PREX2: variants seen among roughly 807,000 people sequenced by gnomAD.
The protein encoded by PREX2 is phosphatidylinositol 3,4,5-trisphosphate-dependent Rac exchanger 2 protein.
Under a neutral mutation model 203.2 loss-of-function variants are expected in PREX2, and 107 were observed. That is an observed-to-expected ratio of 0.53 (90% CI 0.45 to 0.62). The LOEUF is 0.62. Among genes scored for constraint, PREX2 ranks in the 20% least tolerant of loss-of-function variants. PREX2 has a pLI of 0.00. For synonymous variants in PREX2, 672 were observed against 663.6 expected, an observed-to-expected ratio of 1.01 and a Z score of -0.19; for missense variants, 1,777 against 1,955.9, an observed-to-expected ratio of 0.91 and a Z score of 1.72.
chr8:67,952,579 G>T (rs377559517), intron 1 of PREX2, 44 bp downstream of exon 1: 1 of 1,587,648 alleles, frequency 6.3e-7, no homozygotes. Flanking sequence ...GGGCGGCGCG[G>T]GGCGCGGGTC....
chr8:68,053,116 A>C lies in PREX2; in HGVS notation c.963A>C (p.Gly321=), dbSNP rs1250279986. The C allele has an allele frequency of 6.2e-7, 1 of 1,613,322 alleles. No individual in the cohort carries two copies. The change falls in exon 9 of 40, where the codon GGA becomes GGC. Residue 321 remains glycine, a synonymous_variant. Transcript: ENST00000288368. Reference sequence around the variant, plus strand: ...TTACAGCTGATTTCCATAGCAGTGGACACATTGTTGTTAATGGATGGAAGA... The same window carrying C: ...TTACAGCTGATTTCCATAGCAGTGGCCACATTGTTGTTAATGGATGGAAGA... The part of the protein sequence containing the change: ...DDGTADFHSS[G]HIVVNGWKIH...
chr8:68,235,658 C>G lies in PREX2; in HGVS notation c.*4280C>G, dbSNP rs1813252298. The G allele has an allele frequency of 6.6e-6, 1 of 152,150 alleles. No individual in the cohort carries two copies. The highest frequency in any genetic ancestry group is 1.5e-5 in the Non-Finnish European group (1 of 68,016). The allele number at this position is 152,150 out of a possible 1,614,324, so 9.4% of individuals were successfully genotyped here. A position where few individuals can be genotyped will look rare whatever the true frequency, so the allele number is the denominator to read the frequency against. On this transcript the variant is annotated 3_prime_UTR_variant, in exon 40 of 40. Coordinates refer to ENST00000288368, the MANE Select transcript of PREX2 (RefSeq NM_024870.4). The stretch of plus-strand genomic sequence containing the variant: ...GGTGGGGGAAAATTACAAGAGGGGT[C>G]TGTACCAAAAATGGCCCCAGGATAT...
At chr8:68,067,626 G>T (rs1809058340) in intron 11 of PREX2, among the ~76,000 whole-genome samples, 1 of 151,842 alleles carries the variant, frequency 6.6e-6, no homozygotes, top group African/African-American at 2.4e-5. Flanking sequence ...GTTTTTGGTG[G>T]AAGTTATATG....
chr8:68,169,712 T>C lies in PREX2; in HGVS notation c.4346+12276T>C, dbSNP rs369717708. 9.9e-4 allele frequency among the ~76,000 whole-genome samples: 151 copies of C among 152,272 alleles called. 2 individuals are homozygous for C. The South Asian group carries it at 0.03, about 30-fold the overall frequency. On this transcript the variant is annotated intron_variant, in intron 35 of 39. Transcript: ENST00000288368. ...TTTATTATCCATATTGTTTACACTG[T>C]ATTAGGCCATCTGAGTCAATGGAGT...
rs766036075 is a variant in PREX2, at chr8:68,027,284, A to G, written c.504A>G (p.Thr168=). 1 of 1,611,346 alleles carries G rather than the reference A, an allele frequency of 6.2e-7. No homozygotes were observed. The highest frequency in any genetic ancestry group is 8.5e-7 in the Non-Finnish European group (1 of 1,177,754). Residue 168 remains threonine, a synonymous_variant, in exon 5 of 40, where the codon ACA becomes ACG. Transcript: ENST00000288368. ...TDVPLEGYLV[T]PIQRICKYPL... ...TTCCCTTGGAAGGATATTTAGTAAC[A>G]CCAATACAAAGAATATGCAAGTACC...
chr8:68,015,837 A>T (rs920789837), intron 1 of PREX2, among the ~76,000 whole-genome samples: 11 of 152,186 alleles, frequency 7.2e-5, no homozygotes, highest in African/African-American at 2.4e-4. Context: ...GAAAATTCTA[A>T]TTTTTTTCAC....
chr8:68,038,272 G>T lies in PREX2; in HGVS notation c.819G>T (p.Val273=). ...RVFFLFDNLL[V]YCKRKHRRLK... ...TTTTTCTTTTCGATAATCTTTTGGT[G>T]TACTGCAAAAGAAAACACAGGTAAG... Residue 273 remains valine, a synonymous_variant, in exon 7 of 40, where the codon GTG becomes GTT. Transcript: ENST00000288368. 1 of 1,613,720 alleles carries T rather than the reference G, an allele frequency of 6.2e-7. No individual in the cohort carries two copies. Among genetic ancestry groups the T allele is most frequent in the Non-Finnish European group, 8.5e-7 (1 of 1,179,840 alleles).
chr8:68,216,739 C>T (rs1173290829), intron 37 of PREX2, among the ~76,000 whole-genome samples: 3 of 151,954 alleles, frequency 2.0e-5, no homozygotes, highest in Non-Finnish European at 4.4e-5. Context: ...TGGTGGATCA[C>T]GAGGTCAGGA....
chr8:68,222,557 C>CT (rs1812973935), intron 38 of PREX2, among the ~76,000 whole-genome samples: 1 of 151,886 alleles, frequency 6.6e-6, no homozygotes, highest in African/African-American at 2.4e-5. Flanking sequence ...AGAGATTACT[C>CT]TTTTTAACAG....
chr8:68,115,807 C>G lies in PREX2; in HGVS notation c.3201C>G (p.Gly1067=). 2 of 1,613,274 alleles carry G rather than the reference C, an allele frequency of 1.2e-6. No individual in the cohort carries two copies. Among genetic ancestry groups the G allele is most frequent in the South Asian group, 2.2e-5 (2 of 91,022 alleles). The change falls in exon 26 of 40, where the codon GGC becomes GGG. Residue 1067 remains glycine (G), a synonymous_variant. Transcript: ENST00000288368. ...SPKLERKTSE[G]IIPTDSDNEK... is the part of the protein sequence containing the mutation. ...AATTAGAACGTAAGACATCAGAGGGCATAATACCAACAGACAGTGACAATG... is the reference window on the plus strand; with the variant it reads ...AATTAGAACGTAAGACATCAGAGGGGATAATACCAACAGACAGTGACAATG...
chr8:68,042,502 TA>T (rs1304355252), intron 7 of PREX2, among the ~76,000 whole-genome samples: 1 of 152,096 alleles, frequency 6.6e-6, no homozygotes, highest in African/African-American at 2.4e-5. Context: ...TTATTCATTT[TA>T]CCTGCTGCAT....
chr8:67,953,377 GA>G (rs1287383508), intron 1 of PREX2, among the ~76,000 whole-genome samples: 3 of 152,104 alleles, frequency 2.0e-5, no homozygotes, highest in Non-Finnish European at 4.4e-5. Flanking sequence ...AAAACTGAGT[GA>G]AAGTAACTGC....
intron 37 of PREX2, among the ~76,000 whole-genome samples, chr8:68,202,337 A>G (rs1472983795): frequency 6.6e-6 from 1 of 152,160 alleles, no homozygotes; most frequent in Non-Finnish European, 1.5e-5. Flanking sequence ...GCTGAGAGGA[A>G]AGGGTAGCGA....
chr8:68,032,517 G>A (rs1033966292), intron 6 of PREX2, among the ~76,000 whole-genome samples: 6 of 152,258 alleles, frequency 3.9e-5, no homozygotes, highest in Non-Finnish European at 8.8e-5. Flanking sequence ...CAGTCAGTGG[G>A]TTTGGCAATT....
intron 6 of PREX2, among the ~76,000 whole-genome samples, chr8:68,033,816 T>C (rs991249194): frequency 6.6e-6 from 1 of 152,168 alleles, no homozygotes; most frequent in East Asian, 1.9e-4. Flanking sequence ...GTATGCGTTA[T>C]AATCACATAC....
At chr8:68,111,468 A>T (rs1012980562) in intron 25 of PREX2, among the ~76,000 whole-genome samples, 47 of 152,114 alleles carry the variant, frequency 3.1e-4, no homozygotes, top group African/African-American at 1.1e-3. Flanking sequence ...AGCTCCTTTT[A>T]CTTGGTTTAA....
intron 37 of PREX2, among the ~76,000 whole-genome samples, chr8:68,208,610 A>C (rs917636508): frequency 7.2e-5 from 11 of 152,156 alleles, no homozygotes; most frequent in African/African-American, 2.7e-4. Flanking sequence ...CGAGAAAAGC[A>C]GAGGAAGAGG....
chr8:68,095,832 A>C (rs879925302), intron 21 of PREX2, among the ~76,000 whole-genome samples: 3 of 151,836 alleles, frequency 2.0e-5, no homozygotes, highest in African/African-American at 7.3e-5. Context: ...TGATAGAGAC[A>C]AGGTCTTGCC....
At chr8:68,205,094 A>G (rs188991054) in intron 37 of PREX2, among the ~76,000 whole-genome samples, 2 of 152,264 alleles carry the variant, frequency 1.3e-5, no homozygotes, top group African/African-American at 4.8e-5. Context: ...TCCTTTTAAC[A>G]AGAGTCAAAT....
Sources: gnomAD v4.1 joint callset for allele counts (sites outside exome capture counted in the v4.1 genomes callset) on GRCh38, gnomAD v4.1.1 for gene constraint, MANE v1.5 for transcripts, NCBI Gene and HGNC (gene_info 2026-07-23, HGNC 2026-07-21) for gene names.